The following OPTC variants were observed in gnomAD, a reference collection of about 807,000 sequenced individuals.
OPTC encodes opticin.
A neutral mutation model predicts 25.4 loss-of-function variants in OPTC; 22 were observed. That is an observed-to-expected ratio of 0.87 (90% CI 0.62 to 1.24). OPTC has a LOEUF of 1.24. Among genes scored for constraint, OPTC ranks in the 50% most tolerant of loss-of-function variants. The pLI is 0.00. For synonymous variants in OPTC, 169 were observed against 179.3 expected (o/e 0.94, Z 0.46); for missense variants, 417 against 425.2 (o/e 0.98, Z 0.17).
Position 203,503,560 on chromosome 1 carries a change from T to G in OPTC, c.839T>G (p.Ile280Arg). Residue 280 changes from isoleucine (I) to arginine (R), a missense_variant, in exon 7 of 8, where the codon ATA becomes AGA. By Grantham distance (97) the Ile-to-Arg change is moderately conservative. Transcript: ENST00000367222. ...LRSVHLQNNL[I>R]ETMQRDVFCD... The stretch of plus-strand genomic sequence containing the variant: ...ATGTGTTCTTCCCAGAATAACCTGA[T>G]AGAGACCATGCAGAGAGACGTCTTC... The G allele has an allele frequency of 6.2e-7, 1 of 1,613,478 alleles. No individual in the cohort carries two copies.
chr1:203,501,336 G>A (rs1175640026), intron 5 of OPTC, among the ~76,000 whole-genome samples: 1 of 152,144 alleles, frequency 6.6e-6, no homozygotes, highest in Non-Finnish European at 1.5e-5. Context: ...CCTGACCTCA[G>A]GTGATCTGCC....
intron 5 of OPTC, among the ~76,000 whole-genome samples, chr1:203,502,639 G>T (rs1661408861): frequency 6.6e-6 from 1 of 152,186 alleles, no homozygotes; most frequent in South Asian, 2.1e-4. Context: ...GCACTACCCA[G>T]TGTCATTACC....
At chr1:203,507,903 C>T (rs1661522637) in intron 7 of OPTC, among the ~76,000 whole-genome samples, 1 of 152,198 alleles carries the variant, frequency 6.6e-6, no homozygotes, top group African/African-American at 2.4e-5. Context: ...TCCCTTCCTG[C>T]TTCCTTTTCT....
At chr1:203,502,717 G>C (rs1661409989) in intron 5 of OPTC, among the ~76,000 whole-genome samples, 197 bp from the exon 6 acceptor site, 4 of 152,194 alleles carry the variant, frequency 2.6e-5, no homozygotes, top group Admixed American at 2.6e-4. Context: ...CCTGCATCCA[G>C]TTGGAGTTAG....
chr1:203,500,157 T>A (rs1426107461), intron 5 of OPTC, among the ~76,000 whole-genome samples: 17 of 9,374 alleles, frequency 1.8e-3, no homozygotes, highest in East Asian at 7.6e-3. Flanking sequence ...CACCTCCACC[T>A]CCACCACCCA....
chr1:203,496,309 C>T, intron 2 of OPTC, 73 bp downstream of exon 2: 1 of 1,103,134 alleles, frequency 9.1e-7, no homozygotes, highest in Non-Finnish European at 1.4e-6. Flanking sequence ...CTCCCATCTG[C>T]CCCAAAGTGC....
Position 203,496,046 on chromosome 1 carries a change from T to C in OPTC, c.41T>C (p.Leu14Pro), listed in dbSNP as rs201661810. 2.6e-5 allele frequency: 42 copies of C among 1,613,812 alleles called. No individual in the cohort carries two copies. The highest frequency in any genetic ancestry group is 3.2e-5 in the Non-Finnish European group (38 of 1,179,958). ...LAFLSLLALVLQETGTASLPR... is the reference protein window; with the variant it reads ...LAFLSLLALVPQETGTASLPR... Reference sequence around the variant, plus strand: ...TTCCTGAGTCTGCTGGCCTTGGTGCTGCAGGAGACAGGGACAGCTTCTCTC... The same window carrying C: ...TTCCTGAGTCTGCTGGCCTTGGTGCCGCAGGAGACAGGGACAGCTTCTCTC... Residue 14 changes from leucine to proline, a missense_variant, in exon 2 of 8, where the codon CTG (leucine) becomes CCG (proline). Physicochemically the swap from Leu to Pro is moderately conservative, Grantham distance 98. Coordinates refer to ENST00000367222, the MANE Select transcript of OPTC (RefSeq NM_014359.4).
At chr1:203,503,066 T>C in intron 6 of OPTC, 57 bp downstream of exon 6, 1 of 1,386,358 alleles carries the variant, frequency 7.2e-7, no homozygotes, top group African/African-American at 1.4e-5. Flanking sequence ...GGAAGTTAGA[T>C]ACCAGGAGCA....
chr1:203,498,725 T>C lies in OPTC; in HGVS notation c.415T>C (p.Tyr139His). Residue 139 changes from tyrosine (Y) to histidine (H), a missense_variant, in exon 4 of 8, where the codon TAT becomes CAT. By Grantham distance (83) the Tyr-to-His change is moderately conservative (BLOSUM62 2). Coordinates refer to ENST00000367222, the MANE Select transcript of OPTC (RefSeq NM_014359.4). The stretch of plus-strand genomic sequence containing the variant: ...CTGCGTGTGCCTCGGTTCCTCTGTG[T>C]ATTGCGATGACATTGACCTAGAGGA... ...LVCVCLGSSVYCDDIDLEDIP... is the reference protein window; with the variant it reads ...LVCVCLGSSVHCDDIDLEDIP... The C allele has an allele frequency of 6.2e-7, 1 of 1,614,206 alleles. No individual in the cohort carries two copies. The highest frequency in any genetic ancestry group is 8.5e-7 in the Non-Finnish European group (1 of 1,180,038).
rs1661347438 is a variant in OPTC, at chr1:203,499,869, A to G, written c.732+18A>G. 1.2e-6 allele frequency: 2 copies of G among 1,601,512 alleles called. No individual in the cohort carries two copies. Among genetic ancestry groups the G allele is most frequent in the South Asian group, 2.2e-5 (2 of 90,872 alleles). On this transcript the variant is annotated intron_variant, in intron 5 of 7. Transcript: ENST00000367222. ...CCTTCAGGGTGAGTCAAGGCCTTAG[A>G]TCCACTATCTATCACCTCCACCACC...
At position 203,496,102 on chromosome 1, in the gene OPTC, C is replaced by G. The variant is rs751077637; in HGVS notation, c.97C>G (p.Gln33Glu). 6.8e-6 allele frequency: 11 copies of G among 1,613,930 alleles called. No individual in the cohort carries two copies. In the South Asian group the frequency reaches 1.2e-4, roughly 18 times the overall value. ...GAAGGAGAGGAAGAGGAGAGAGGAGCAGATGCCCAGGGAAGGCGATTCCTT... is the reference window on the plus strand; with the variant it reads ...GAAGGAGAGGAAGAGGAGAGAGGAGGAGATGCCCAGGGAAGGCGATTCCTT... ...PRKERKRREE[Q>E]MPREGDSFEV... Residue 33 changes from glutamine to glutamate, a missense_variant, in exon 2 of 8, where the codon CAG (glutamine) becomes GAG (glutamate). Physicochemically the swap from Gln to Glu is conservative, Grantham distance 29. Coordinates refer to ENST00000367222, the MANE Select transcript of OPTC (RefSeq NM_014359.4).
intron 6 of OPTC, 139 bp from the exon 7 acceptor site, chr1:203,503,411 G>A: frequency 1.2e-6 from 1 of 830,620 alleles, no homozygotes; most frequent in Non-Finnish European, 2.0e-6. Flanking sequence ...CTTGTTGTGT[G>A]GCTTTGGCCC....
At chr1:203,505,070 G>T (rs927423184) in intron 7 of OPTC, among the ~76,000 whole-genome samples, 1 of 152,128 alleles carries the variant, frequency 6.6e-6, no homozygotes, top group African/African-American at 2.4e-5. Context: ...TGTGATGGAC[G>T]GGCTCTTGGC....
intron 1 of OPTC, among the ~76,000 whole-genome samples, chr1:203,495,346 C>T (rs1400429981): frequency 6.6e-6 from 1 of 152,150 alleles, no homozygotes; most frequent in Non-Finnish European, 1.5e-5. Flanking sequence ...TGGTGAAACC[C>T]CTTCTCTACT....
At chr1:203,497,519 G>A (rs1661299413) in intron 3 of OPTC, among the ~76,000 whole-genome samples, 1 of 152,162 alleles carries the variant, frequency 6.6e-6, no homozygotes, top group African/African-American at 2.4e-5. Flanking sequence ...AGCAAATGAA[G>A]CAGTCACACT....
At chr1:203,499,987 C>A in intron 5 of OPTC, 136 bp downstream of exon 5, 1 of 726,132 alleles carries the variant, frequency 1.4e-6, no homozygotes, top group Non-Finnish European at 2.4e-6. Context: ...CCACCATCAC[C>A]CACCTCTACC....
chr1:203,506,271 C>A (rs1024454335), intron 7 of OPTC, among the ~76,000 whole-genome samples: 1 of 151,562 alleles, frequency 6.6e-6, no homozygotes, highest in African/African-American at 2.4e-5. Flanking sequence ...CCTGCCTCAG[C>A]CTCCTGAGTA....
chr1:203,505,558 G>T (rs1338730674), intron 7 of OPTC, among the ~76,000 whole-genome samples: 1 of 152,194 alleles, frequency 6.6e-6, no homozygotes, highest in Non-Finnish European at 1.5e-5. Flanking sequence ...CCTCACGGCG[G>T]TCCTGTAAAC....
intron 1 of OPTC, 65 bp from the exon 2 acceptor site, chr1:203,495,900 A>G (rs765345117): frequency 2.6e-6 from 2 of 777,852 alleles, no homozygotes; most frequent in Non-Finnish European, 4.4e-6. Context: ...TCTGCGAGCC[A>G]TTCCCACAAC....
Sources: gnomAD v4.1 joint callset for allele counts (sites outside exome capture counted in the v4.1 genomes callset) on GRCh38, gnomAD v4.1.1 for gene constraint, MANE v1.5 for transcripts, NCBI Gene and HGNC (gene_info 2026-07-23, HGNC 2026-07-21) for gene names.